SPTLC2: variants seen among roughly 807,000 people sequenced by gnomAD.
The protein encoded by SPTLC2 is serine palmitoyltransferase long chain base subunit 2.
SPTLC2 carries 21 observed loss-of-function variants against 62.0 expected under a neutral mutation model. That is an observed-to-expected ratio of 0.34 (90% CI 0.24 to 0.49). SPTLC2 has a LOEUF of 0.49. Among genes scored for constraint, SPTLC2 ranks in the 20% least tolerant of loss-of-function variants. SPTLC2 has a pLI of 0.99. For synonymous variants in SPTLC2, 261 were observed against 261.8 expected (o/e 1.00, Z 0.03); for missense variants, 511 against 713.0 (o/e 0.72, Z 3.23).
At chr14:77,550,879 G>A (rs60221235) in intron 9 of SPTLC2, among the ~76,000 whole-genome samples, 61,639 of 148,972 alleles carry the variant, frequency 0.41, 13,991 homozygotes, top group East Asian at 0.87. Flanking sequence ...ACTCCAGCCC[G>A]GGAGACAGAG....
rs760782604 is a variant in SPTLC2, at chr14:77,555,365, C to T, written c.1111G>A (p.Asp371Asn). Residue 371 changes from aspartate (D) to asparagine (N), a missense_variant, in exon 8 of 12, where the codon GAT (aspartate) becomes AAT (asparagine). Coordinates refer to ENST00000216484, the MANE Select transcript of SPTLC2 (RefSeq NM_004863.4). ...TTTGTGAACGTTCCCATCATAACAT[C>T]CACATCCTCGGGATCCAGGCCAAAG... ...EYFGLDPEDV[D>N]VMMGTFTKSF... 2.2e-5 allele frequency: 36 copies of T among 1,614,140 alleles called. No individual in the cohort carries two copies. The highest frequency in any genetic ancestry group is 3.1e-5 in the Non-Finnish European group (36 of 1,180,026).
intron 9 of SPTLC2, among the ~76,000 whole-genome samples, chr14:77,544,172 A>G (rs1410138838): frequency 1.3e-5 from 2 of 152,036 alleles, no homozygotes; most frequent in African/African-American, 2.4e-5. Context: ...ACACTTGGCT[A>G]ATTTTTAGAA....
intron 7 of SPTLC2, among the ~76,000 whole-genome samples, chr14:77,556,289 G>A (rs2079583405): frequency 6.6e-6 from 1 of 151,608 alleles, no homozygotes; most frequent in African/African-American, 2.4e-5. Flanking sequence ...CTCCAGCCTG[G>A]GTGACACAGC....
At chr14:77,597,665 T>C (rs1202632329) in intron 1 of SPTLC2, among the ~76,000 whole-genome samples, 1 of 151,320 alleles carries the variant, frequency 6.6e-6, no homozygotes, top group Non-Finnish European at 1.5e-5. Context: ...TCCCAGCTAC[T>C]TGGGAGGCTG....
chr14:77,511,974 C>T lies in SPTLC2; in HGVS notation c.*310G>A. On this transcript the variant is annotated 3_prime_UTR_variant, in exon 12 of 12. Transcript: ENST00000216484. ...AGAGGGGAATGGCCTGTGTGGTTAG[C>T]CAGAGACAGGCTAGGGTCAGCGTGA... 2.7e-6 allele frequency: 1 copy of T among 373,722 alleles called. No homozygotes were observed. The highest frequency in any genetic ancestry group is 6.7e-5 in the East Asian group (1 of 15,026). 23.2% of individuals were successfully genotyped at this position (373,722 alleles called of 1,614,324 possible).
rs1278311732 is a variant in SPTLC2 at position 77,616,618 on chromosome 14, C to G, written c.-39G>C. On this transcript the variant is annotated 5_prime_UTR_variant, in exon 1 of 12. Transcript: ENST00000216484. Reference sequence around the variant, plus strand: ...CCAGGCGCAAGGCAGGCTCTGTAGGCGGTGGCAGCGGCGGCGGCTGCTCCA... The same window carrying G: ...CCAGGCGCAAGGCAGGCTCTGTAGGGGGTGGCAGCGGCGGCGGCTGCTCCA... 1.3e-6 allele frequency: 2 copies of G among 1,526,354 alleles called. No individual in the cohort carries two copies. Among genetic ancestry groups the G allele is most frequent in the Non-Finnish European group, 8.8e-7 (1 of 1,139,658 alleles). The allele number at this position is 1,526,354 out of a possible 1,614,324, so 94.6% of individuals were successfully genotyped here.
chr14:77,536,687 A>T (rs1332869546), intron 9 of SPTLC2, among the ~76,000 whole-genome samples: 2 of 152,092 alleles, frequency 1.3e-5, no homozygotes, highest in Non-Finnish European at 2.9e-5. Flanking sequence ...ACACTTTTCT[A>T]TGTAAACAAA....
intron 6 of SPTLC2, among the ~76,000 whole-genome samples, chr14:77,560,405 G>C (rs919968477): frequency 2.0e-5 from 3 of 152,096 alleles, no homozygotes; most frequent in Non-Finnish European, 2.9e-5. Flanking sequence ...GGGCAACATG[G>C]TGAAACCCCA....
intron 9 of SPTLC2, among the ~76,000 whole-genome samples, chr14:77,531,143 C>A (rs750109807): frequency 5.9e-5 from 9 of 152,154 alleles, no homozygotes; most frequent in East Asian, 1.9e-4. Context: ...GGGCACCCTG[C>A]AAAATTTCAG....
chr14:77,606,883 G>T (rs1336920250), intron 1 of SPTLC2, among the ~76,000 whole-genome samples: 2 of 152,000 alleles, frequency 1.3e-5, no homozygotes, highest in African/African-American at 4.8e-5. Flanking sequence ...CAGCTACTGG[G>T]GAGGCTGAGA....
At chr14:77,600,579 C>T (rs1413241813) in intron 1 of SPTLC2, among the ~76,000 whole-genome samples, 1 of 152,198 alleles carries the variant, frequency 6.6e-6, no homozygotes, top group African/African-American at 2.4e-5. Context: ...GCACGTCTAG[C>T]ACCCAGGGTA....
At chr14:77,550,018 A>G (rs769595428) in intron 9 of SPTLC2, among the ~76,000 whole-genome samples, 5 of 152,218 alleles carry the variant, frequency 3.3e-5, no homozygotes, top group Non-Finnish European at 5.9e-5. Context: ...ATGTATATAT[A>G]TGTGTGTATA....
intron 9 of SPTLC2, among the ~76,000 whole-genome samples, chr14:77,551,176 G>A (rs988979073): frequency 1.3e-5 from 2 of 151,940 alleles, no homozygotes; most frequent in Non-Finnish European, 2.9e-5. Flanking sequence ...GGCGGATCAC[G>A]AGGTCAGGAG....
At chr14:77,539,293 A>G (rs969012552) in intron 9 of SPTLC2, among the ~76,000 whole-genome samples, 2 of 152,002 alleles carry the variant, frequency 1.3e-5, no homozygotes, top group African/African-American at 4.8e-5. Flanking sequence ...ACCTTGAGGA[A>G]AAAGAGAAAA....
chr14:77,554,438 G>C (rs561450752), intron 8 of SPTLC2, among the ~76,000 whole-genome samples: 4 of 152,040 alleles, frequency 2.6e-5, no homozygotes, highest in Non-Finnish European at 5.9e-5. Context: ...CTCCGCCTCC[G>C]GCAACTACTA....
chr14:77,547,066 T>C (rs534717886), intron 9 of SPTLC2, among the ~76,000 whole-genome samples: 31 of 152,228 alleles, frequency 2.0e-4, no homozygotes, highest in African/African-American at 6.0e-4. Context: ...GGTTTCTCCA[T>C]GTTGGTCAGA....
rs1374794040 is a variant in SPTLC2, at chr14:77,557,125, A to C, written c.872T>G (p.Leu291Arg). The change falls in exon 7 of 12, where the codon CTA (leucine) becomes CGA (arginine). Residue 291 changes from leucine to arginine, a missense_variant. Leu to Arg is a moderately radical substitution (Grantham distance 102). Transcript: ENST00000216484. The stretch of plus-strand genomic sequence containing the variant: ...ACCATAAACAATGGCATCTTTCAAT[A>C]GCTTCTCTAGGCTTTGCATATCTAC... ...KHNNMQSLEK[L>R]LKDAIVYGQP... is the part of the protein sequence containing the mutation. 6.2e-7 allele frequency: 1 copy of C among 1,613,550 alleles called. No individual in the cohort carries two copies. Among genetic ancestry groups the C allele is most frequent in the East Asian group, 2.2e-5 (1 of 44,898 alleles).
In SPTLC2 at chr14:77,570,397, G is replaced by A. The variant is rs752506362; in HGVS notation, c.743C>T (p.Ala248Val). ...GFATNSMNIP[A>V]LVGKGCLILS... is the part of the protein sequence containing the mutation. ...AGAGTATCTTACTTTGCCAACAAGA[G>A]CAGGAATGTTCATTGAATTCGTTGC... The change falls in exon 5 of 12, where the codon GCT becomes GTT. Residue 248 changes from alanine (A) to valine (V), a missense_variant. Transcript: ENST00000216484. 6.8e-6 allele frequency: 11 copies of A among 1,613,308 alleles called. No homozygotes were observed. The highest frequency in any genetic ancestry group is 8.5e-6 in the Non-Finnish European group (10 of 1,180,000).
Position 77,509,561 on chromosome 14 carries a change from T to C in SPTLC2, c.*2723A>G. Reference sequence around the variant, plus strand: ...GGTTAACCGGTATCTGTTTGAATCCTATCAGAGTCTTGAATCAGGCCGTGT... The same window carrying C: ...GGTTAACCGGTATCTGTTTGAATCCCATCAGAGTCTTGAATCAGGCCGTGT... On this transcript the variant is annotated 3_prime_UTR_variant, in exon 12 of 12. Coordinates refer to ENST00000216484, the MANE Select transcript of SPTLC2 (RefSeq NM_004863.4). 4.1e-6 allele frequency: 1 copy of C among 242,594 alleles called. No individual in the cohort carries two copies. 15.0% of individuals were successfully genotyped at this position (242,594 alleles called of 1,614,324 possible).
Sources: allele counts gnomAD v4.1 joint callset (sites outside exome capture counted in the v4.1 genomes callset), GRCh38; gene constraint gnomAD v4.1.1; transcripts MANE v1.5; gene names NCBI Gene and HGNC (gene_info 2026-07-23, HGNC 2026-07-21).